ZBTB45: variants seen among roughly 807,000 people sequenced by gnomAD.
ZBTB45 encodes zinc finger and BTB domain containing 45, also known as zinc finger and BTB domain-containing protein 45.
In ZBTB45, 22 loss-of-function variants were observed where a neutral mutation model predicts 28.4. The ratio of observed to expected loss-of-function variants is 0.77; its 90% CI spans 0.55 to 1.10. ZBTB45 has a LOEUF of 1.10. Among genes scored for constraint, ZBTB45 ranks in the 50% least tolerant of loss-of-function variants. The pLI, the probability that ZBTB45 is intolerant of heterozygous loss-of-function variation, is 0.00. For missense variants in ZBTB45, 656 were observed against 750.2 expected, an observed-to-expected ratio of 0.87 and a Z score of 1.47; for synonymous variants, 361 against 332.3, an observed-to-expected ratio of 1.09 and a Z score of -0.94.
intron 1 of ZBTB45, among the ~76,000 whole-genome samples, chr19:58,529,217 A>T (rs1434074671): frequency 6.6e-6 from 1 of 152,078 alleles, no homozygotes; most frequent in Non-Finnish European, 1.5e-5. Context: ...AGGCAGGGGG[A>T]TCGCTTGATC....
chr19:58,517,937 G>T (rs900974524), intron 1 of ZBTB45, among the ~76,000 whole-genome samples: 1 of 151,442 alleles, frequency 6.6e-6, no homozygotes, highest in East Asian at 1.9e-4. Context: ...ACACCCCTAG[G>T]AGAGGGTGTT....
In ZBTB45 at chr19:58,518,318, T is replaced by C. The variant is rs187426883; in HGVS notation, c.1-645A>G. Among the ~76,000 whole-genome samples, 148 of 152,298 alleles carry C rather than the reference T, an allele frequency of 9.7e-4. 3 individuals carry two copies. Among genetic ancestry groups the C allele is most frequent in the African/African-American group, 3.4e-3 (140 of 41,566 alleles). ...GCAGGAGTGGGGTGGCATGACCTGC[T>C]TCCTGGGCAGGGTGGTTCTGGGTGT... On this transcript the variant is annotated intron_variant, in intron 1 of 2. Transcript: ENST00000594051.
In ZBTB45 at chr19:58,515,325, TA is replaced by T. The variant is rs35390254; in HGVS notation, c.1280-1016del. On this transcript the variant is annotated intron_variant, in intron 2 of 2. Transcript: ENST00000594051. The surrounding 1 kb of genome is among the most constrained non-coding windows in gnomAD (Gnocchi z 4.7). ...AGGGAGACTCGGTCTCAAAAAAAATTAAAAAAAAAAAAACCCTATCTCAGTG... is the reference window on the plus strand; with the variant it reads ...AGGGAGACTCGGTCTCAAAAAAAATTAAAAAAAAAAAACCCTATCTCAGTG... Among the ~76,000 whole-genome samples, 1,664 of 144,250 alleles carry T rather than the reference TA, an allele frequency of 0.012. 31 individuals carry two copies. Among genetic ancestry groups the T allele is most frequent in the African/African-American group, 0.04 (1,551 of 38,604 alleles). The allele number at this position is 144,250 out of a possible 152,430, so 94.6% of individuals were successfully genotyped here.
intron 1 of ZBTB45, among the ~76,000 whole-genome samples, chr19:58,518,489 G>T (rs1275610675): frequency 6.6e-6 from 1 of 152,146 alleles, no homozygotes. Flanking sequence ...ATCTCGATGG[G>T]GCCTGTGGGG....
chr19:58,534,058 T>C (rs2053647936), intron 1 of ZBTB45, among the ~76,000 whole-genome samples: 1 of 152,242 alleles, frequency 6.6e-6, no homozygotes, highest in South Asian at 2.1e-4. Context: ...ACAAGGGACA[T>C]GGGCTTCTGA....
At chr19:58,531,007 G>A (rs1472967797) in intron 1 of ZBTB45, among the ~76,000 whole-genome samples, 1 of 152,140 alleles carries the variant, frequency 6.6e-6, no homozygotes, top group African/African-American at 2.4e-5. Context: ...CAATTCATGT[G>A]GGTATATACC....
upstream of ZBTB45, among the ~76,000 whole-genome samples, chr19:58,522,589 C>T (rs754633925): frequency 2.6e-5 from 4 of 152,006 alleles, no homozygotes; most frequent in East Asian, 1.9e-4. Context: ...GAGCTGAGAT[C>T]GTACCATTGC....
Position 58,516,606 on chromosome 19 carries a change from G to T in ZBTB45, c.1068C>A (p.Pro356=). The change falls in exon 2 of 3, where the codon CCC becomes CCA. Residue 356 remains proline, a synonymous_variant. Transcript: ENST00000594051. The surrounding 1 kb of genome is among the most constrained non-coding windows in gnomAD (Gnocchi z 6.2). ...GGAGTGTGGGGTAGAAGGCGGGTGGGGGCGCAGGGGCTGGCCCCGATGGTG... is the reference window on the plus strand; with the variant it reads ...GGAGTGTGGGGTAGAAGGCGGGTGGTGGCGCAGGGGCTGGCCCCGATGGTG... ...PSAPSGPAPA[P]PPAFYPTLQP... The T allele has an allele frequency of 1.3e-6, 2 of 1,561,080 alleles. No individual in the cohort carries two copies. The highest frequency in any genetic ancestry group is 2.3e-5 in the East Asian group (1 of 44,204).
upstream of ZBTB45, among the ~76,000 whole-genome samples, chr19:58,523,085 CT>C (rs1401247745): frequency 1.3e-5 from 2 of 151,998 alleles, no homozygotes; most frequent in Non-Finnish European, 2.9e-5. Flanking sequence ...GGGATGGGGC[CT>C]GGAGGATTAG....
At chr19:58,523,200 G>A (rs923478553), upstream of ZBTB45, among the ~76,000 whole-genome samples, 2 of 152,070 alleles carry the variant, frequency 1.3e-5, no homozygotes, top group African/African-American at 2.4e-5. Flanking sequence ...GGTGAGAGCT[G>A]CAGCCTCAAG....
chr19:58,530,394 G>A (rs975757067), intron 1 of ZBTB45, among the ~76,000 whole-genome samples: 4 of 151,840 alleles, frequency 2.6e-5, no homozygotes, highest in African/African-American at 9.7e-5. Flanking sequence ...CACAACCTCC[G>A]CCTCCAGAGT....
intron 1 of ZBTB45, among the ~76,000 whole-genome samples, chr19:58,527,048 T>C (rs2053611920): frequency 6.6e-6 from 1 of 152,140 alleles, no homozygotes; most frequent in African/African-American, 2.4e-5. Flanking sequence ...CAACCCCCTA[T>C]TGTGGGACAC....
chr19:58,534,022 T>A (rs1225283849), intron 1 of ZBTB45, among the ~76,000 whole-genome samples: 4 of 152,178 alleles, frequency 2.6e-5, no homozygotes, highest in Non-Finnish European at 5.9e-5. Context: ...TAGGCAAAGC[T>A]TGTCTGTGAA....
chr19:58,517,114 G>C lies in ZBTB45; in HGVS notation c.560C>G (p.Pro187Arg). The C allele has an allele frequency of 6.2e-7, 1 of 1,612,964 alleles. No homozygotes were observed. The highest frequency in any genetic ancestry group is 8.5e-7 in the Non-Finnish European group (1 of 1,179,878). The change falls in exon 2 of 3, where the codon CCT becomes CGT. Residue 187 changes from proline to arginine, a missense_variant. By Grantham distance (103) the Pro-to-Arg change is moderately radical (BLOSUM62 -2). Around this residue, in one of 3 missense-constraint regions of ZBTB45, gnomAD observed 448 missense variants for 444.3 expected, o/e 1.01. Transcript: ENST00000594051. Reference protein sequence around the residue: ...ARLQLPAPPTPAKAEGPDADP... With the variant: ...ARLQLPAPPTRAKAEGPDADP... The stretch of plus-strand genomic sequence containing the variant: ...AGCATCAGGCCCCTCAGCCTTGGCA[G>C]GTGTTGGGGGCGCTGGCAGCTGCAA...
At chr19:58,523,702 ACT>A (rs1432361443), upstream of ZBTB45, among the ~76,000 whole-genome samples, 1 of 139,708 alleles carries the variant, frequency 7.2e-6, no homozygotes, top group African/African-American at 2.6e-5. Flanking sequence ...ATGGAGTCTC[ACT>A]CTGTCGCCCA....
intron 1 of ZBTB45, among the ~76,000 whole-genome samples, chr19:58,529,776 C>T (rs1015486101): frequency 2.0e-5 from 3 of 152,144 alleles, no homozygotes; most frequent in African/African-American, 7.2e-5. Context: ...ACCCCAGATT[C>T]TGCATATTTT....
chr19:58,538,221 C>CT (rs550208279), intron 1 of ZBTB45, among the ~76,000 whole-genome samples: 3,077 of 147,356 alleles, frequency 0.021, 53 homozygotes, highest in African/African-American at 0.042. Context: ...CTTTTCTTTT[C>CT]TTTTTTTTTT....
At position 58,517,448 on chromosome 19, in the gene ZBTB45, G is replaced by C; in HGVS notation, c.226C>G (p.Pro76Ala). ...ACCAGCTGTCGCACTGTCTGCGCGG[G>C]CACCACCGGAGGCACACGGATCTCA... ...HSEIRVPPVV[P>A]AQTVRQLVEF... Residue 76 changes from proline (P) to alanine (A), a missense_variant, in exon 2 of 3, where the codon CCC becomes GCC. Pro to Ala is a conservative substitution (Grantham distance 27). This residue lies in a region of ZBTB45 where 105 missense variants were observed against 152.4 expected (regional missense o/e 0.69). Transcript: ENST00000594051. The C allele has an allele frequency of 1.9e-6, 3 of 1,613,024 alleles. No homozygotes were observed. The highest frequency in any genetic ancestry group is 2.5e-6 in the Non-Finnish European group (3 of 1,179,868).
upstream of ZBTB45, among the ~76,000 whole-genome samples, chr19:58,522,893 C>A (rs74632421): frequency 0.025 from 3,854 of 152,196 alleles, 156 homozygotes; most frequent in African/African-American, 0.088. Flanking sequence ...AAGCCATGTC[C>A]CATTAGCCCC....
Sources: allele counts gnomAD v4.1 joint callset (sites outside exome capture counted in the v4.1 genomes callset), GRCh38; gene constraint gnomAD v4.1.1; regional missense constraint gnomAD v4.1.1; non-coding constraint Gnocchi (gnomAD v3.1); transcripts MANE v1.5; gene names NCBI Gene and HGNC (gene_info 2026-07-23, HGNC 2026-07-21).